The following NDUFAF7 variants were observed in gnomAD, a reference collection of about 807,000 sequenced individuals.
NDUFAF7 encodes NADH:ubiquinone oxidoreductase complex assembly factor 7.
NDUFAF7 carries 48 observed loss-of-function variants against 47.2 expected under a neutral mutation model. That is an observed-to-expected ratio of 1.02 (90% confidence interval 0.81 to 1.29). The LOEUF is 1.29. Ranked by LOEUF, NDUFAF7 falls within the 50% of genes most tolerant of loss-of-function variation. The pLI is 0.00. For missense variants in NDUFAF7, 635 were observed against 537.6 expected (o/e 1.18, Z -1.79); for synonymous variants, 217 against 190.0 (o/e 1.14, Z -1.17).
At position 37,247,464 on chromosome 2, in the gene NDUFAF7, C is replaced by T. The variant is rs192973218; in HGVS notation, c.945C>T (p.Cys315=). Residue 315 remains cysteine (C), a synonymous_variant, in exon 9 of 10, where the codon TGC becomes TGT. Transcript: ENST00000002125. ...GTKTDTFRGF[C]DHKLHDVLIA... The stretch of plus-strand genomic sequence containing the variant: ...ATTTCTTTATGTTCAAGGGGTTTTG[C>T]GACCACAAGCTTCATGATGTCTTAA... The T allele has an allele frequency of 9.3e-5, 150 of 1,613,864 alleles. 1 individual carries two copies. Among genetic ancestry groups the T allele is most frequent in the South Asian group, 6.1e-4 (56 of 91,072 alleles).
intron 7 of NDUFAF7, among the ~76,000 whole-genome samples, chr2:37,245,129 C>G (rs908252267): frequency 1.3e-5 from 2 of 152,106 alleles, no homozygotes; most frequent in African/African-American, 4.8e-5. Context: ...CACAATAAAC[C>G]TACAATATCT....
chr2:37,264,160 A>T, the NDUFAF7 span, among the ~76,000 whole-genome samples: 1 of 152,076 alleles, frequency 6.6e-6, no homozygotes, highest in African/African-American at 2.4e-5. Context: ...GGCCAGGTTG[A>T]CAGTTTATGT....
At chr2:37,238,376 G>T (rs1343123646) in intron 4 of NDUFAF7, among the ~76,000 whole-genome samples, 1 of 151,992 alleles carries the variant, frequency 6.6e-6, no homozygotes, top group Non-Finnish European at 1.5e-5. Context: ...TGCAGTGATT[G>T]CTGCAGTGAT....
intron 3 of NDUFAF7, among the ~76,000 whole-genome samples, chr2:37,237,416 CAT>C (rs1371395057): frequency 1.3e-5 from 2 of 152,224 alleles, no homozygotes; most frequent in African/African-American, 2.4e-5. Flanking sequence ...TTGTTTAAAT[CAT>C]ATGAATATGA....
intron 7 of NDUFAF7, 34 bp from the exon 8 acceptor site, chr2:37,246,018 T>C (rs1253805359): frequency 6.2e-7 from 1 of 1,611,198 alleles, no homozygotes; most frequent in Non-Finnish European, 8.5e-7. Context: ...TTTTGAATGA[T>C]GCATTTTGAC....
At chr2:37,244,510 C>T (rs1666706540) in intron 7 of NDUFAF7, among the ~76,000 whole-genome samples, 1 of 152,158 alleles carries the variant, frequency 6.6e-6, no homozygotes, top group Admixed American at 6.6e-5. Flanking sequence ...ATTACTACTG[C>T]TTTCTGTTGA....
At chr2:37,270,977 T>A in the NDUFAF7 span, among the ~76,000 whole-genome samples, 3 of 152,202 alleles carry the variant, frequency 2.0e-5, no homozygotes, top group Non-Finnish European at 2.9e-5. Flanking sequence ...TTGATATTCC[T>A]CCTTATCTCC....
downstream of NDUFAF7, among the ~76,000 whole-genome samples, chr2:37,255,233 C>G (rs750591447): frequency 1.1e-4 from 17 of 152,172 alleles, no homozygotes; most frequent in Non-Finnish European, 2.1e-4. Flanking sequence ...CTGCTACTGT[C>G]TTCACATGTT....
chr2:37,236,637 C>T (rs571984324), intron 3 of NDUFAF7, among the ~76,000 whole-genome samples: 66 of 151,922 alleles, frequency 4.3e-4, no homozygotes, highest in African/African-American at 1.5e-3. Context: ...AAAAATTAGC[C>T]GAGCGTGGTG....
chr2:37,245,040 G>A (rs1666763132), intron 7 of NDUFAF7, among the ~76,000 whole-genome samples: 1 of 152,192 alleles, frequency 6.6e-6, no homozygotes, highest in Non-Finnish European at 1.5e-5. Flanking sequence ...GCCTGATGAG[G>A]CTGACTTCAT....
the NDUFAF7 span, among the ~76,000 whole-genome samples, chr2:37,262,250 G>A: frequency 6.6e-6 from 1 of 152,114 alleles, no homozygotes; most frequent in Non-Finnish European, 1.5e-5. Flanking sequence ...GATGTTTCTT[G>A]AAGCCTTAAT....
At chr2:37,266,979 T>A in the NDUFAF7 span, among the ~76,000 whole-genome samples, 1 of 152,236 alleles carries the variant, frequency 6.6e-6, no homozygotes, top group African/African-American at 2.4e-5. Flanking sequence ...ATTTATGGAA[T>A]TGAAATCATT....
chr2:37,265,196 AG>A, the NDUFAF7 span, among the ~76,000 whole-genome samples: 1 of 152,128 alleles, frequency 6.6e-6, no homozygotes, highest in East Asian at 1.9e-4. Context: ...AAGATGGAAA[AG>A]GAAAGATGAT....
In NDUFAF7 at chr2:37,248,701, G is replaced by A. The variant is rs1667188113; in HGVS notation, c.*351G>A. 6.1e-6 allele frequency: 2 copies of A among 328,218 alleles called. No individual in the cohort carries two copies. The highest frequency in any genetic ancestry group is 1.6e-4 in the East Asian group (2 of 12,718). 20.3% of individuals were successfully genotyped at this position (328,218 alleles called of 1,614,324 possible). On this transcript the variant is annotated 3_prime_UTR_variant, in exon 10 of 10. Transcript: ENST00000002125. ...AGGCTGAGGTGGGCATATCACCTGA[G>A]GTCAGCAGTTAAAGACCAGCCTGAC...
At chr2:37,238,275 C>G (rs1412323624) in intron 4 of NDUFAF7, among the ~76,000 whole-genome samples, 4 of 151,780 alleles carry the variant, frequency 2.6e-5, no homozygotes, top group Non-Finnish European at 5.9e-5. Flanking sequence ...AGTAAAAATA[C>G]AAAAATTAGC....
At chr2:37,236,761 A>G (rs562619020) in intron 3 of NDUFAF7, among the ~76,000 whole-genome samples, 1 of 150,064 alleles carries the variant, frequency 6.7e-6, no homozygotes, top group East Asian at 2.0e-4. Context: ...AGCCTCGGCG[A>G]CTGAGCAAAA....
chr2:37,251,292 A>G (rs544097051), downstream of NDUFAF7: 2 of 152,722 alleles, frequency 1.3e-5, no homozygotes, highest in South Asian at 4.1e-4. Context: ...GGAGGTATTT[A>G]TGGGTAGATA....
chr2:37,261,380 G>A, the NDUFAF7 span, among the ~76,000 whole-genome samples: 37 of 152,292 alleles, frequency 2.4e-4, 1 homozygote, highest in Non-Finnish European at 4.1e-4. Flanking sequence ...CCAGCTACTC[G>A]GGAGGCTGAG....
chr2:37,266,642 G>A, the NDUFAF7 span, among the ~76,000 whole-genome samples: 230 of 152,090 alleles, frequency 1.5e-3, 4 homozygotes, highest in East Asian at 0.038. Flanking sequence ...ATGCGCCACC[G>A]TGCCCGGCCT....
Sources: gnomAD v4.1 joint callset for allele counts (sites outside exome capture counted in the v4.1 genomes callset) on GRCh38, gnomAD v4.1.1 for gene constraint, MANE v1.5 for transcripts, NCBI Gene and HGNC (gene_info 2026-07-23, HGNC 2026-07-21) for gene names.